The following RARB variants were observed in gnomAD, a reference collection of about 807,000 sequenced individuals.
RARB encodes retinoic acid receptor beta.
Under a neutral mutation model 51.9 loss-of-function variants are expected in RARB, and 17 were observed. The observed-to-expected ratio is 0.33, with a 90% CI of 0.22 to 0.49. The LOEUF is 0.49. RARB is among the 20% of genes least tolerant of loss of function. RARB has a pLI of 0.99. For synonymous variants in RARB, 215 were observed against 195.4 expected (o/e 1.10, Z -0.84); for missense variants, 369 against 550.8 (o/e 0.67, Z 3.30).
At chr3:25,245,692 C>G (rs1278647464) in intron 5 of RARB, among the ~76,000 whole-genome samples, 1 of 152,180 alleles carries the variant, frequency 6.6e-6, no homozygotes, top group Non-Finnish European at 1.5e-5. Context: ...TGATAGGCTT[C>G]CCTTTGTGGG....
At chr3:24,968,122 A>G (rs528967546) in intron 2 of RARB, among the ~76,000 whole-genome samples, 2 of 152,262 alleles carry the variant, frequency 1.3e-5, no homozygotes, top group African/African-American at 2.4e-5. Context: ...AAGTATTGTA[A>G]TTCTTGAAAA....
chr3:25,213,685 C>G (rs540901952), intron 5 of RARB, among the ~76,000 whole-genome samples: 23 of 152,292 alleles, frequency 1.5e-4, no homozygotes, highest in African/African-American at 5.1e-4. Flanking sequence ...GAAGTCAGTC[C>G]TGCTGAAGGC....
intron 3 of RARB, among the ~76,000 whole-genome samples, chr3:25,559,048 C>G (rs188851333): frequency 1.4e-3 from 218 of 152,226 alleles, no homozygotes; most frequent in African/African-American, 4.9e-3. Context: ...ATATCTCCCC[C>G]ATCCAGAATG....
chr3:25,499,217 C>T (rs1159427535), intron 2 of RARB, among the ~76,000 whole-genome samples: 2 of 152,200 alleles, frequency 1.3e-5, no homozygotes, highest in African/African-American at 4.8e-5. Flanking sequence ...TTAGCTCTGG[C>T]TCCTGCAGTG....
At chr3:25,373,172 G>A (rs1706354257) in intron 5 of RARB, among the ~76,000 whole-genome samples, 2 of 152,178 alleles carry the variant, frequency 1.3e-5, no homozygotes, top group African/African-American at 4.8e-5. Context: ...GAGTTGAGGA[G>A]GATGCTCGGA....
intron 5 of RARB, among the ~76,000 whole-genome samples, chr3:25,197,089 G>A (rs1468034791): frequency 2.6e-5 from 4 of 152,078 alleles, no homozygotes; most frequent in Admixed American, 1.3e-4. Flanking sequence ...CCATTTGTCT[G>A]TTTTGGCTTT....
At chr3:25,356,949 A>T (rs1054617278) in intron 5 of RARB, among the ~76,000 whole-genome samples, 5 of 152,056 alleles carry the variant, frequency 3.3e-5, no homozygotes, top group African/African-American at 1.2e-4. Flanking sequence ...AGTCTTTGCT[A>T]TTGTGAATAG....
At chr3:25,194,490 T>C (rs1701183060) in intron 5 of RARB, among the ~76,000 whole-genome samples, 2 of 150,708 alleles carry the variant, frequency 1.3e-5, no homozygotes, top group Admixed American at 6.7e-5. Flanking sequence ...TATATATATA[T>C]ATACACACAC....
chr3:25,549,097 A>G (rs1699738192), intron 3 of RARB, among the ~76,000 whole-genome samples: 1 of 151,998 alleles, frequency 6.6e-6, no homozygotes, highest in South Asian at 2.1e-4. Context: ...TTGATCTGGT[A>G]TGCGTATGAA....
intron 2 of RARB, among the ~76,000 whole-genome samples, chr3:24,880,118 A>G (rs1316398914): frequency 6.6e-6 from 1 of 152,106 alleles, no homozygotes; most frequent in Non-Finnish European, 1.5e-5. Flanking sequence ...CTTAATTTTT[A>G]AAAGCATTTT....
At chr3:25,070,786 C>T (rs1414409684) in intron 3 of RARB, among the ~76,000 whole-genome samples, 1 of 152,170 alleles carries the variant, frequency 6.6e-6, no homozygotes, top group Non-Finnish European at 1.5e-5. Flanking sequence ...TCCCTGCAGG[C>T]ATCAGTCACT....
chr3:25,012,849 C>T (rs531699390), intron 2 of RARB, among the ~76,000 whole-genome samples: 16 of 152,028 alleles, frequency 1.1e-4, no homozygotes, highest in Middle Eastern at 3.4e-3. Flanking sequence ...AACTGAAAGA[C>T]GGAAATAATA....
At chr3:25,244,267 CATTG>C (rs1241566744) in intron 5 of RARB, among the ~76,000 whole-genome samples, 1 of 136,408 alleles carries the variant, frequency 7.3e-6, no homozygotes, top group African/African-American at 2.8e-5. Flanking sequence ...CTCCTGAATT[CATTG>C]ATTTTTTTTT....
At chr3:25,255,117 C>A (rs975016564) in intron 5 of RARB, among the ~76,000 whole-genome samples, 1 of 152,164 alleles carries the variant, frequency 6.6e-6, no homozygotes, top group Non-Finnish European at 1.5e-5. Flanking sequence ...GTAACACTCA[C>A]ACATTTCTTT....
intron 2 of RARB, among the ~76,000 whole-genome samples, chr3:24,937,831 AG>A (rs1338032525): frequency 6.6e-6 from 1 of 152,164 alleles, no homozygotes; most frequent in African/African-American, 2.4e-5. Context: ...TTAAAAATAA[AG>A]AGATTTTAAT....
At chr3:25,491,262 C>G (rs916915414) in intron 2 of RARB, among the ~76,000 whole-genome samples, 3 of 151,972 alleles carry the variant, frequency 2.0e-5, no homozygotes, top group African/African-American at 7.3e-5. Context: ...TTGGCTTCTC[C>G]CACTCCCCCT....
intron 2 of RARB, among the ~76,000 whole-genome samples, chr3:24,887,703 T>C (rs557423185): frequency 6.6e-6 from 1 of 152,342 alleles, no homozygotes; most frequent in South Asian, 2.1e-4. Flanking sequence ...ACACTGTGAC[T>C]TCTGAAGTCT....
chr3:25,412,451 C>T (rs1417333177), intron 5 of RARB, among the ~76,000 whole-genome samples: 3 of 152,094 alleles, frequency 2.0e-5, no homozygotes, highest in East Asian at 1.9e-4. Flanking sequence ...CTTTTCCCAG[C>T]CCCCAATATC....
intron 3 of RARB, among the ~76,000 whole-genome samples, chr3:25,081,338 G>A (rs561331746): frequency 1.6e-4 from 24 of 151,726 alleles, no homozygotes; most frequent in African/African-American, 5.8e-4. Flanking sequence ...CCAGCATACA[G>A]TGTATCTCAT....
Sources: allele counts gnomAD v4.1 joint callset (sites outside exome capture counted in the v4.1 genomes callset), GRCh38; gene constraint gnomAD v4.1.1; transcripts MANE v1.5; gene names NCBI Gene and HGNC (gene_info 2026-07-23, HGNC 2026-07-21).